The following TSGA10 variants were observed in gnomAD, a reference collection of about 807,000 sequenced individuals.
The protein encoded by TSGA10 is testis-specific gene 10 protein.
In TSGA10, 43 loss-of-function variants were observed where a neutral mutation model predicts 96.6. That is an observed-to-expected ratio of 0.44 (90% confidence interval 0.35 to 0.57). The LOEUF is 0.57. Ranked by LOEUF, TSGA10 falls within the 20% of genes least tolerant of loss-of-function variation. TSGA10 has a pLI of 0.01. For synonymous variants in TSGA10, 229 were observed against 269.9 expected, an observed-to-expected ratio of 0.85 and a Z score of 1.48; for missense variants, 703 against 834.4, an observed-to-expected ratio of 0.84 and a Z score of 1.94.
At chr2:99,139,329 G>C (rs1159867834) in intron 1 of TSGA10, among the ~76,000 whole-genome samples, 3 of 152,086 alleles carry the variant, frequency 2.0e-5, no homozygotes, top group Non-Finnish European at 4.4e-5. Flanking sequence ...ATTTTTCAGT[G>C]AAACAGGAGC....
intron 20 of TSGA10, among the ~76,000 whole-genome samples, chr2:99,016,619 G>T (rs954783254): frequency 1.3e-5 from 2 of 152,070 alleles, no homozygotes; most frequent in Non-Finnish European, 2.9e-5. Flanking sequence ...AAAAGCAAAT[G>T]AAACAAAAAC....
intron 1 of TSGA10, among the ~76,000 whole-genome samples, chr2:99,140,823 G>T (rs2093507796): frequency 6.6e-6 from 1 of 152,090 alleles, no homozygotes; most frequent in African/African-American, 2.4e-5. Context: ...GCGGAGAGCT[G>T]CGGGAGGACG....
intron 1 of TSGA10, among the ~76,000 whole-genome samples, chr2:99,129,060 T>C (rs911711598): frequency 4.6e-5 from 7 of 152,200 alleles, no homozygotes; most frequent in African/African-American, 1.2e-4. Flanking sequence ...TTAATACATA[T>C]ATTCAAAAGT....
intron 10 of TSGA10, chr2:99,102,201 C>T: frequency 8.1e-6 from 13 of 1,601,734 alleles, no homozygotes; most frequent in Non-Finnish European, 1.1e-5. Context: ...AACTTTCAAA[C>T]AGGTATCCAA....
intron 16 of TSGA10, among the ~76,000 whole-genome samples, chr2:99,051,783 T>C (rs1174668895): frequency 1.3e-5 from 2 of 151,574 alleles, no homozygotes; most frequent in East Asian, 1.9e-4. Flanking sequence ...AAGTATGTTT[T>C]CCAACCATAA....
At chr2:99,147,336 CTT>C (rs897071512) in intron 1 of TSGA10, 5 of 903,188 alleles carry the variant, frequency 5.5e-6, no homozygotes, top group African/African-American at 5.0e-5. Context: ...AAGAAAGCCA[CTT>C]TGTTCTTTTT....
chr2:99,022,575 A>G (rs2080145436), intron 17 of TSGA10, among the ~76,000 whole-genome samples: 1 of 152,112 alleles, frequency 6.6e-6, no homozygotes, highest in Admixed American at 6.6e-5. Context: ...GCATAGATAA[A>G]CCACAGCTCT....
At chr2:99,101,064 C>T (rs893203373) in intron 10 of TSGA10, among the ~76,000 whole-genome samples, 1 of 149,562 alleles carries the variant, frequency 6.7e-6, no homozygotes, top group Non-Finnish European at 1.5e-5. Flanking sequence ...GAGATTGAGA[C>T]CATCCTGGCT....
At chr2:99,006,519 A>T (rs1472060192) in intron 20 of TSGA10, among the ~76,000 whole-genome samples, 3 of 152,272 alleles carry the variant, frequency 2.0e-5, no homozygotes, top group Non-Finnish European at 2.9e-5. Flanking sequence ...GAAGACATTT[A>T]TGCAGCCAAA....
intron 1 of TSGA10, among the ~76,000 whole-genome samples, chr2:99,130,902 T>C (rs540518490): frequency 6.6e-6 from 1 of 152,332 alleles, no homozygotes; most frequent in African/African-American, 2.4e-5. Flanking sequence ...TTGCTTGTTT[T>C]TGTCAGGTTT....
intron 20 of TSGA10, among the ~76,000 whole-genome samples, chr2:99,014,756 G>T (rs1266576988): frequency 1.3e-5 from 2 of 152,042 alleles, no homozygotes; most frequent in African/African-American, 2.4e-5. Context: ...GATTAACCAA[G>T]AAAAGAAGAG....
rs553407427 is a variant in TSGA10, at chr2:98,997,661, G to A, written c.*536C>T. The A allele has an allele frequency of 1.1e-4, 17 of 152,288 alleles. No homozygotes were observed. Among genetic ancestry groups the A allele is most frequent in the African/African-American group, 4.1e-4 (17 of 41,538 alleles). The allele number at this position is 152,288 out of a possible 1,614,324, so 9.4% of individuals were successfully genotyped here. ...ACAATACTATAGGTTTTAAAACCCT[G>A]ACAACACTCCTACTTTCTGCTGCTT... On this transcript the variant is annotated 3_prime_UTR_variant, in exon 21 of 21. Coordinates refer to ENST00000393483, the MANE Select transcript of TSGA10 (RefSeq NM_025244.4).
intron 4 of TSGA10, among the ~76,000 whole-genome samples, chr2:99,111,367 A>T (rs1395077213): frequency 6.6e-6 from 1 of 152,160 alleles, no homozygotes; most frequent in Non-Finnish European, 1.5e-5. Context: ...CAGTGAACAT[A>T]CCCAGTCTTA....
intron 1 of TSGA10, among the ~76,000 whole-genome samples, chr2:99,152,859 T>G (rs1479747721): frequency 1.3e-5 from 2 of 151,824 alleles, no homozygotes; most frequent in Non-Finnish European, 2.9e-5. Context: ...AAAGAGTGAG[T>G]TCAGGAGCAT....
chr2:99,022,411 G>T (rs1325162214), intron 17 of TSGA10, among the ~76,000 whole-genome samples: 1 of 146,824 alleles, frequency 6.8e-6, no homozygotes, highest in East Asian at 2.0e-4. Context: ...TCTACTATTT[G>T]CCTTATTCTG....
chr2:99,034,706 C>T (rs1457654242), intron 17 of TSGA10, among the ~76,000 whole-genome samples: 2 of 152,018 alleles, frequency 1.3e-5, no homozygotes, highest in Non-Finnish European at 2.9e-5. Context: ...TAGAAATTTC[C>T]TCTATAAAGC....
At chr2:99,003,863 C>T (rs533590316) in intron 20 of TSGA10, among the ~76,000 whole-genome samples, 8 of 152,070 alleles carry the variant, frequency 5.3e-5, no homozygotes, top group African/African-American at 1.7e-4. Flanking sequence ...GATCTAAAAT[C>T]GACACTTTAA....
chr2:99,152,780 A>G (rs573421965), intron 1 of TSGA10, among the ~76,000 whole-genome samples: 3 of 152,306 alleles, frequency 2.0e-5, no homozygotes, highest in African/African-American at 7.2e-5. Context: ...GGAAGCGGAA[A>G]GTGAGGAAGA....
At chr2:99,042,467 G>A (rs867300992) in intron 16 of TSGA10, among the ~76,000 whole-genome samples, 1 of 152,132 alleles carries the variant, frequency 6.6e-6, no homozygotes, top group African/African-American at 2.4e-5. Context: ...CTGACCAGAC[G>A]AGATTTCCCT....
Sources: allele counts gnomAD v4.1 joint callset (sites outside exome capture counted in the v4.1 genomes callset), GRCh38; gene constraint gnomAD v4.1.1; transcripts MANE v1.5; gene names NCBI Gene and HGNC (gene_info 2026-07-23, HGNC 2026-07-21).